Variants in CLCN3 observed in about 807,000 individuals in gnomAD.
CLCN3 encodes the protein Cl-/H+ antiporter 3, also known as H(+)/Cl(-) exchange transporter 3.
Under a neutral mutation model 83.4 loss-of-function variants are expected in CLCN3, and 16 were observed. The ratio of observed to expected loss-of-function variants is 0.19; its 90% CI spans 0.13 to 0.29. The LOEUF is 0.29. CLCN3 is among the 10% of genes least tolerant of loss of function. The pLI is 1.00. For synonymous variants in CLCN3, 322 were observed against 346.2 expected (o/e 0.93, Z 0.78); for missense variants, 544 against 1,006.0 (o/e 0.54, Z 6.21).
intron 11 of CLCN3, 84 bp downstream of exon 11, chr4:169,707,350 T>A (rs1733034257): frequency 9.1e-7 from 1 of 1,098,268 alleles, no homozygotes; most frequent in Non-Finnish European, 1.3e-6. Context: ...ATTTAATGGG[T>A]TGGATTTGTG....
intron 12 of CLCN3, among the ~76,000 whole-genome samples, chr4:169,719,281 A>T (rs1733542067): frequency 6.6e-6 from 1 of 152,202 alleles, no homozygotes; most frequent in South Asian, 2.1e-4. Context: ...TCTGGCCAAC[A>T]TGGTGAAACC....
chr4:169,698,781 A>G (rs759124016), intron 9 of CLCN3, among the ~76,000 whole-genome samples: 1 of 152,208 alleles, frequency 6.6e-6, no homozygotes, highest in Non-Finnish European at 1.5e-5. Context: ...TCACTGTGCT[A>G]AAATTAAGGT....
At chr4:169,694,173 T>G (rs1468249393) in intron 7 of CLCN3, among the ~76,000 whole-genome samples, 1 of 152,212 alleles carries the variant, frequency 6.6e-6, no homozygotes, top group Non-Finnish European at 1.5e-5. Context: ...TGCCAACAAT[T>G]TGATTAAAAC....
chr4:169,699,089 G>A lies in CLCN3; in HGVS notation c.1563+1355G>A, dbSNP rs181350946. ...CTTTCTGCCACCTTGATTCCTCCTTGCCATGCAACGTAATGTAATCACAGG... is the reference window on the plus strand; with the variant it reads ...CTTTCTGCCACCTTGATTCCTCCTTACCATGCAACGTAATGTAATCACAGG... On this transcript the variant is annotated intron_variant, in intron 9 of 12. Transcript: ENST00000513761. Among the ~76,000 whole-genome samples the A allele has an allele frequency of 1.8e-3, 270 of 152,200 alleles. 1 individual carries two copies. The highest frequency in any genetic ancestry group is 6.0e-3 in the African/African-American group (247 of 41,506).
chr4:169,626,884 A>G (rs1773248355), intron 1 of CLCN3, among the ~76,000 whole-genome samples: 1 of 152,196 alleles, frequency 6.6e-6, no homozygotes, highest in South Asian at 2.1e-4. Context: ...ACCAGGAACC[A>G]TGGATGAAAA....
At chr4:169,707,787 A>G (rs577937858) in intron 11 of CLCN3, among the ~76,000 whole-genome samples, 2 of 152,272 alleles carry the variant, frequency 1.3e-5, no homozygotes, top group East Asian at 3.9e-4. Flanking sequence ...TTTATTTCTG[A>G]TCAAATGCCA....
Position 169,714,238 on chromosome 4 carries a change from G to A in CLCN3, c.2366+943G>A, listed in dbSNP as rs151051848. Among the ~76,000 whole-genome samples, 31 of 151,606 alleles carry A rather than the reference G, an allele frequency of 2.0e-4. No homozygotes were observed. The East Asian group carries it at 4.5e-3, about 22-fold the overall frequency. On this transcript the variant is annotated intron_variant, in intron 12 of 12. Transcript: ENST00000513761. ...AACTGGATGGCTAATCCTGAACAGC[G>A]TAAAGCTGGTTGAAATTCTAAACAG... is the stretch of plus-strand genomic sequence containing the variant.
chr4:169,689,306 T>C (rs2150247976), intron 5 of CLCN3, 76 bp downstream of exon 5: 1 of 1,245,282 alleles, frequency 8.0e-7, no homozygotes. Context: ...ATTATAGAAC[T>C]AATCACATAT....
intron 3 of CLCN3, among the ~76,000 whole-genome samples, chr4:169,683,679 G>A (rs6812237): frequency 0.99 from 149,980 of 152,208 alleles, 73,927 homozygotes; most frequent in Middle Eastern, 1. Flanking sequence ...ATGCTTATAT[G>A]AACAAGATTT....
In CLCN3 at chr4:169,620,583, C is replaced by A; in HGVS notation, c.-497C>A. On this transcript the variant is annotated 5_prime_UTR_variant, in exon 1 of 13. Coordinates refer to ENST00000513761, the MANE Select transcript of CLCN3 (RefSeq NM_001829.4). Reference sequence around the variant, plus strand: ...GCTCCTGACTCCTGCCGCTTCTCTTCCCCTTCCGTGGGTCAGGGCCGGTCC... The same window carrying A: ...GCTCCTGACTCCTGCCGCTTCTCTTACCCTTCCGTGGGTCAGGGCCGGTCC... The A allele has an allele frequency of 2.5e-6, 1 of 394,368 alleles. No individual in the cohort carries two copies. Among genetic ancestry groups the A allele is most frequent in the Non-Finnish European group, 4.5e-6 (1 of 224,220 alleles). 24.4% of individuals were successfully genotyped at this position (394,368 alleles called of 1,614,324 possible).
intron 2 of CLCN3, chr4:169,660,149 G>T: frequency 8.9e-7 from 1 of 1,120,124 alleles, no homozygotes; most frequent in Non-Finnish European, 1.1e-6. Context: ...AGCCTTGCTA[G>T]ATTGTAGCCA....
At position 169,651,400 on chromosome 4, in the gene CLCN3, T is replaced by C. The variant is rs189258240; in HGVS notation, c.160+15312T>C. Reference sequence around the variant, plus strand: ...CAGTTGAAAAGGGCTGGAGGAGTTATGTGCTAAACCTGTAAAATCATAAGC... The same window carrying C: ...CAGTTGAAAAGGGCTGGAGGAGTTACGTGCTAAACCTGTAAAATCATAAGC... On this transcript the variant is annotated intron_variant, in intron 2 of 12. Transcript: ENST00000513761. 1.1e-3 allele frequency among the ~76,000 whole-genome samples: 172 copies of C among 152,268 alleles called. 1 individual carries two copies. Among genetic ancestry groups the C allele is most frequent in the Non-Finnish European group, 1.3e-3 (87 of 67,980 alleles).
Position 169,692,295 on chromosome 4 carries a change from G to C in CLCN3, c.911G>C (p.Ser304Thr). ...NIFSYLFPKY[S>T]TNEAKKREVL... is the part of the protein sequence containing the mutation. ...TTTTCCTACCTCTTTCCAAAGTATAGCACAAACGAAGCTAAAAAAAGGGAG... is the reference window on the plus strand; with the variant it reads ...TTTTCCTACCTCTTTCCAAAGTATACCACAAACGAAGCTAAAAAAAGGGAG... Residue 304 changes from serine (S) to threonine (T), a missense_variant, in exon 7 of 13, where the codon AGC becomes ACC. Ser to Thr is a moderately conservative substitution (Grantham distance 58, BLOSUM62 1). Coordinates refer to ENST00000513761, the MANE Select transcript of CLCN3 (RefSeq NM_001829.4). 1 of 1,608,840 alleles carries C rather than the reference G, an allele frequency of 6.2e-7. No homozygotes were observed. Among genetic ancestry groups the C allele is most frequent in the Non-Finnish European group, 8.5e-7 (1 of 1,176,266 alleles).
chr4:169,663,319 TGTTGTTG>T (rs1560842686), intron 2 of CLCN3, among the ~76,000 whole-genome samples: 4 of 10,804 alleles, frequency 3.7e-4, no homozygotes, highest in Non-Finnish European at 3.4e-3. Context: ...GTTTTTTTGT[TGTTGTTG>T]TTGTTGTTGT....
At chr4:169,640,915 G>C (rs911488625) in intron 2 of CLCN3, among the ~76,000 whole-genome samples, 10 of 152,176 alleles carry the variant, frequency 6.6e-5, no homozygotes, top group Non-Finnish European at 1.3e-4. Context: ...GATTATGCTA[G>C]TAAGTTTAAA....
intron 2 of CLCN3, among the ~76,000 whole-genome samples, chr4:169,671,394 C>G (rs1263248588): frequency 6.6e-6 from 1 of 152,010 alleles, no homozygotes; most frequent in Non-Finnish European, 1.5e-5. Context: ...GGGAGTTGAA[C>G]AATGAGAGCA....
chr4:169,643,547 A>T (rs943074690), intron 2 of CLCN3, among the ~76,000 whole-genome samples: 9 of 151,866 alleles, frequency 5.9e-5, no homozygotes, highest in Non-Finnish European at 1.0e-4. Flanking sequence ...AATTTTTTTA[A>T]AAAAATTCAG....
chr4:169,700,193 A>G (rs1732725234), intron 9 of CLCN3, among the ~76,000 whole-genome samples: 3 of 152,208 alleles, frequency 2.0e-5, no homozygotes, highest in Admixed American at 1.3e-4. Flanking sequence ...TCAAGAGTAC[A>G]TGCCATCATT....
At chr4:169,700,042 C>T (rs953976093) in intron 9 of CLCN3, among the ~76,000 whole-genome samples, 1 of 152,148 alleles carries the variant, frequency 6.6e-6, no homozygotes, top group Admixed American at 6.5e-5. Flanking sequence ...AGTTGAACTA[C>T]AAGAAGCTGG....
Sources: allele counts gnomAD v4.1 joint callset (sites outside exome capture counted in the v4.1 genomes callset), GRCh38; gene constraint gnomAD v4.1.1; transcripts MANE v1.5; gene names NCBI Gene and HGNC (gene_info 2026-07-23, HGNC 2026-07-21).